The following ACCSL variants were observed in gnomAD, a reference collection of about 807,000 sequenced individuals.
The protein encoded by ACCSL is 1-aminocyclopropane-1-carboxylate synthase homolog (inactive) like.
Under a neutral mutation model 61.7 loss-of-function variants are expected in ACCSL, and 55 were observed. That is an observed-to-expected ratio of 0.89 (90% confidence interval 0.72 to 1.12). The LOEUF (loss-of-function observed/expected upper bound fraction) is 1.12, where lower values mean the gene tolerates loss of function less well. ACCSL is among the 50% of genes most tolerant of loss of function. The pLI, the probability that ACCSL is intolerant of heterozygous loss-of-function variation, is 0.00. For synonymous variants in ACCSL, 258 were observed against 264.3 expected (o/e 0.98, Z 0.23); for missense variants, 632 against 698.0 (o/e 0.91, Z 1.07).
At chr11:44,043,615 T>C (rs1052542785), upstream of ACCSL, among the ~76,000 whole-genome samples, 22 of 152,350 alleles carry the variant, frequency 1.4e-4, no homozygotes, top group Middle Eastern at 3.4e-3. Context: ...TATCTAGCAC[T>C]GAAGATACAG....
At chr11:43,964,669 T>G in the ACCSL span, among the ~76,000 whole-genome samples, 1 of 152,118 alleles carries the variant, frequency 6.6e-6, no homozygotes. Context: ...ACAATATTCC[T>G]ATAGATCTAG....
the ACCSL span, among the ~76,000 whole-genome samples, chr11:44,015,251 A>C: frequency 6.6e-6 from 1 of 152,244 alleles, no homozygotes. Context: ...GTTGCAATAC[A>C]CCAGACAATA....
Position 44,051,371 on chromosome 11 carries a change from C to T in ACCSL, c.672C>T (p.Tyr224=), listed in dbSNP as rs778090002. ...AAGTGGCCCGGTTCCTGACCTACTA[C>T]TGCAGGGCACCTACCCGACTTGACC... ...REEVARFLTY[Y]CRAPTRLDPE... is the part of the protein sequence containing the mutation. Residue 224 remains tyrosine, a synonymous_variant, in exon 4 of 14, where the codon TAC becomes TAT. Transcript: ENST00000378832. 8.7e-6 allele frequency: 14 copies of T among 1,614,210 alleles called. No individual in the cohort carries two copies. Among genetic ancestry groups the T allele is most frequent in the Non-Finnish European group, 1.2e-5 (14 of 1,180,044 alleles).
the ACCSL span, among the ~76,000 whole-genome samples, chr11:43,951,051 C>T: frequency 6.6e-6 from 1 of 152,188 alleles, no homozygotes; most frequent in Non-Finnish European, 1.5e-5. Context: ...CTGGTAAAAA[C>T]CATTTTTATG....
chr11:44,029,297 T>G, the ACCSL span, among the ~76,000 whole-genome samples: 1 of 152,232 alleles, frequency 6.6e-6, no homozygotes, highest in African/African-American at 2.4e-5. Context: ...CTTCTTGCTG[T>G]TCCTTCAACA....
At chr11:43,926,859 T>A in the ACCSL span, among the ~76,000 whole-genome samples, 1 of 152,102 alleles carries the variant, frequency 6.6e-6, no homozygotes, top group Non-Finnish European at 1.5e-5. Flanking sequence ...CAGGTGATCC[T>A]CCAACCTCAG....
At chr11:43,982,226 CTT>C in the ACCSL span, among the ~76,000 whole-genome samples, 171 of 86,314 alleles carry the variant, frequency 2.0e-3, no homozygotes, top group Middle Eastern at 0.01. Context: ...CCAAGGCCCT[CTT>C]TTTTTTTTTT....
the ACCSL span, among the ~76,000 whole-genome samples, chr11:43,968,750 G>A: frequency 6.6e-6 from 1 of 152,166 alleles, no homozygotes; most frequent in Non-Finnish European, 1.5e-5. Flanking sequence ...TGGGGATGGC[G>A]AGTGGTGAGA....
the ACCSL span, among the ~76,000 whole-genome samples, chr11:43,996,770 TG>T: frequency 1.3e-5 from 2 of 151,586 alleles, no homozygotes; most frequent in African/African-American, 4.9e-5. Context: ...TGATGGGCCT[TG>T]GTGGGGAGAC....
At position 44,048,368 on chromosome 11, in the gene ACCSL, C is replaced by T. The variant is rs1952613917; in HGVS notation, c.332C>T (p.Ala111Val). The change falls in exon 1 of 14, where the codon GCC (alanine) becomes GTC (valine). Residue 111 changes from alanine (A) to valine (V), a missense_variant. Transcript: ENST00000378832. ...SRGDVRYGQRAQLSGQPDPVP... is the reference protein window; with the variant it reads ...SRGDVRYGQRVQLSGQPDPVP... ...GGTGATGTCAGATATGGGCAGAGGG[C>T]CCAACTCTCTGGGCAGCCTGATCCA... 6.2e-7 allele frequency: 1 copy of T among 1,614,074 alleles called. No homozygotes were observed. Among genetic ancestry groups the T allele is most frequent in the South Asian group, 1.1e-5 (1 of 91,084 alleles).
At chr11:43,931,075 G>A in the ACCSL span, among the ~76,000 whole-genome samples, 1 of 152,150 alleles carries the variant, frequency 6.6e-6, no homozygotes, top group South Asian at 2.1e-4. Flanking sequence ...GTGGCCTTAC[G>A]ACCCCATCAG....
At chr11:44,005,902 T>A in the ACCSL span, among the ~76,000 whole-genome samples, 1 of 152,168 alleles carries the variant, frequency 6.6e-6, no homozygotes, top group Admixed American at 6.5e-5. Flanking sequence ...GAAGCTGGAT[T>A]TGGACCCAGG....
chr11:44,058,018 C>A (rs1192107773), intron 11 of ACCSL, among the ~76,000 whole-genome samples: 1 of 152,180 alleles, frequency 6.6e-6, no homozygotes, highest in East Asian at 1.9e-4. Flanking sequence ...ACTAAAAATA[C>A]AAAAATAAGC....
At chr11:43,983,253 G>A in the ACCSL span, among the ~76,000 whole-genome samples, 1 of 152,150 alleles carries the variant, frequency 6.6e-6, no homozygotes, top group African/African-American at 2.4e-5. Context: ...GAATAAAGGT[G>A]CTCCAGGAAA....
At chr11:43,986,102 C>T in the ACCSL span, among the ~76,000 whole-genome samples, 106 of 152,240 alleles carry the variant, frequency 7.0e-4, no homozygotes, top group African/African-American at 2.3e-3. Context: ...GAGCCAGAGA[C>T]GTGGGTGCCA....
At chr11:44,025,682 G>T in the ACCSL span, among the ~76,000 whole-genome samples, 5 of 152,012 alleles carry the variant, frequency 3.3e-5, no homozygotes, top group African/African-American at 1.2e-4. Flanking sequence ...TTCCTGGCTA[G>T]CTCATACAGC....
chr11:44,005,421 C>T, the ACCSL span, among the ~76,000 whole-genome samples: 4 of 151,996 alleles, frequency 2.6e-5, no homozygotes, highest in African/African-American at 9.7e-5. Context: ...CAAAGGGGTT[C>T]CACTATGGGG....
the ACCSL span, among the ~76,000 whole-genome samples, chr11:43,949,938 C>T: frequency 6.6e-6 from 1 of 152,212 alleles, no homozygotes; most frequent in Non-Finnish European, 1.5e-5. Context: ...TTGAATTGAG[C>T]TGATGTGAGC....
At position 44,052,747 on chromosome 11, in the gene ACCSL, C is replaced by T; in HGVS notation, c.858C>T (p.His286=). The T allele has an allele frequency of 6.2e-7, 1 of 1,614,004 alleles. No homozygotes were observed. The highest frequency in any genetic ancestry group is 1.3e-5 in the African/African-American group (1 of 75,000). ...CAAAGGTTGAGTTGATTCCTGTCCA[C>T]CTGGAGAGTGAGGTCTGAATGGGGC... is the stretch of plus-strand genomic sequence containing the variant. The part of the protein sequence containing the change: ...LYAKVELIPV[H]LESEVTVTNT... Residue 286 remains histidine, a synonymous_variant, in exon 6 of 14, where the codon CAC becomes CAT. Coordinates refer to ENST00000378832, the MANE Select transcript of ACCSL (RefSeq NM_001031854.2).
Sources: gnomAD v4.1 joint callset for allele counts (sites outside exome capture counted in the v4.1 genomes callset) on GRCh38, gnomAD v4.1.1 for gene constraint, MANE v1.5 for transcripts, NCBI Gene and HGNC (gene_info 2026-07-23, HGNC 2026-07-21) for gene names.